Variants in R3HCC1L observed in about 807,000 individuals in gnomAD.
The protein encoded by R3HCC1L is coiled-coil domain-containing protein R3HCC1L.
R3HCC1L carries 51 observed loss-of-function variants against 59.9 expected under a neutral mutation model. The ratio of observed to expected loss-of-function variants is 0.85; its 90% confidence interval spans 0.68 to 1.07. The LOEUF is 1.07. Ranked by LOEUF, R3HCC1L falls within the 50% of genes least tolerant of loss-of-function variation. The pLI, the probability that R3HCC1L is intolerant of heterozygous loss-of-function variation, is 0.00. For synonymous variants in R3HCC1L, 322 were observed against 315.2 expected, an observed-to-expected ratio of 1.02 and a Z score of -0.23; for missense variants, 965 against 933.0, an observed-to-expected ratio of 1.03 and a Z score of -0.45.
In R3HCC1L at chr10:98,244,729, GTTTA is replaced by G. The variant is rs1857939004; in HGVS notation, c.*573_*576del. The G allele has an allele frequency of 6.5e-6, 1 of 152,734 alleles. No individual in the cohort carries two copies. Among genetic ancestry groups the G allele is most frequent in the South Asian group, 2.1e-4 (1 of 4,852 alleles). The allele number at this position is 152,734 out of a possible 1,614,324, so 9.5% of individuals were successfully genotyped here. A position where few individuals can be genotyped will look rare whatever the true frequency, so the allele number is the denominator to read the frequency against. Reference sequence around the variant, plus strand: ...GAGATGTGGGTATTTAGACTCCAAAGTTTATACTGAGCTCAGTGCCTGGGACCGC... The same window carrying G: ...GAGATGTGGGTATTTAGACTCCAAAGTACTGAGCTCAGTGCCTGGGACCGC... On this transcript the variant is annotated 3_prime_UTR_variant, in exon 10 of 10. Transcript: ENST00000298999.
chr10:98,148,509 A>T (rs1459221173), intron 1 of R3HCC1L, among the ~76,000 whole-genome samples: 1 of 152,126 alleles, frequency 6.6e-6, no homozygotes, highest in Non-Finnish European at 1.5e-5. Flanking sequence ...TCAGTGTGGT[A>T]TTAGCTGTGG....
intron 9 of R3HCC1L, among the ~76,000 whole-genome samples, chr10:98,241,943 C>A (rs777037533): frequency 3.9e-5 from 6 of 152,130 alleles, no homozygotes; most frequent in Non-Finnish European, 5.9e-5. Context: ...AAATTTACAC[C>A]TCACATTTTC....
In R3HCC1L at chr10:98,236,072, C is replaced by T. The variant is rs750066047; in HGVS notation, c.2177C>T (p.Ala726Val). Reference sequence around the variant, plus strand: ...CGTCCTGAGACTTCAGCAGCCCTAGCCAGAAGGTTAGTCATCAGTGCCCTT... The same window carrying T: ...CGTCCTGAGACTTCAGCAGCCCTAGTCAGAAGGTTAGTCATCAGTGCCCTT... ...KERPETSAAL[A>V]RRLVISALGV... Residue 726 changes from alanine to valine, a missense_variant, in exon 9 of 10, where the codon GCC (alanine) becomes GTC (valine). Transcript: ENST00000298999. 1 of 1,613,788 alleles carries T rather than the reference C, an allele frequency of 6.2e-7. No homozygotes were observed. The highest frequency in any genetic ancestry group is 2.2e-5 in the East Asian group (1 of 44,896).
intron 4 of R3HCC1L, among the ~76,000 whole-genome samples, chr10:98,207,707 TAAAG>T: frequency 6.7e-6 from 1 of 148,826 alleles, no homozygotes; most frequent in Admixed American, 6.7e-5. Flanking sequence ...ACAAAAAAAT[TAAAG>T]AAAAAAAAAA....
rs547569389 is a variant in R3HCC1L at position 98,156,599 on chromosome 10, G to C, written c.-213+452G>C. On this transcript the variant is annotated intron_variant, in intron 2 of 9. Coordinates refer to ENST00000298999, the MANE Select transcript of R3HCC1L (RefSeq NM_001351015.2). Reference sequence around the variant, plus strand: ...ATTGCTAGTTTTATATAGTGTTTTGGGGGAGTGTGGTGCTCAGGGATTAGA... The same window carrying C: ...ATTGCTAGTTTTATATAGTGTTTTGCGGGAGTGTGGTGCTCAGGGATTAGA... 2.0e-5 allele frequency among the ~76,000 whole-genome samples: 3 copies of C among 152,262 alleles called. No individual in the cohort carries two copies. The East Asian group carries it at 5.8e-4, about 29-fold the overall frequency.
chr10:98,188,080 C>T (rs756683808), intron 4 of R3HCC1L, among the ~76,000 whole-genome samples: 3 of 151,904 alleles, frequency 2.0e-5, no homozygotes, highest in Non-Finnish European at 4.4e-5. Context: ...ATACACATAC[C>T]TTTTACACAC....
chr10:98,228,701 G>A lies in R3HCC1L; in HGVS notation c.1786-2811G>A, dbSNP rs544534907. Among the ~76,000 whole-genome samples, 4 of 152,232 alleles carry A rather than the reference G, an allele frequency of 2.6e-5. No homozygotes were observed. The East Asian group carries it at 7.7e-4, about 29-fold the overall frequency. On this transcript the variant is annotated intron_variant, in intron 5 of 9. Coordinates refer to ENST00000298999, the MANE Select transcript of R3HCC1L (RefSeq NM_001351015.2). ...GGTATTGCCTAGGTTTTCTTCTAGG[G>A]TTTTTATGGTTTTAGGTCTAACATT...
intron 4 of R3HCC1L, among the ~76,000 whole-genome samples, chr10:98,198,340 C>T (rs1851673338): frequency 6.6e-6 from 1 of 152,008 alleles, no homozygotes; most frequent in Admixed American, 6.6e-5. Flanking sequence ...AAGGTACTTC[C>T]ATGCCTTTAC....
At chr10:98,216,519 C>A (rs533594664) in intron 5 of R3HCC1L, among the ~76,000 whole-genome samples, 22 of 152,222 alleles carry the variant, frequency 1.4e-4, no homozygotes, top group Middle Eastern at 3.4e-3. Context: ...TCTCAACATA[C>A]ATGTATTTGT....
Position 98,219,025 on chromosome 10 carries a change from C to T in R3HCC1L, c.1785+9126C>T, listed in dbSNP as rs564289383. On this transcript the variant is annotated intron_variant, in intron 5 of 9. Coordinates refer to ENST00000298999, the MANE Select transcript of R3HCC1L (RefSeq NM_001351015.2). ...CTTCTGGGTTCAAGCGATTCTTCTGCGCCAGCTTCCTGAGTAGCTGGGATT... is the reference window on the plus strand; with the variant it reads ...CTTCTGGGTTCAAGCGATTCTTCTGTGCCAGCTTCCTGAGTAGCTGGGATT... 2.3e-4 allele frequency among the ~76,000 whole-genome samples: 35 copies of T among 152,250 alleles called. No individual in the cohort carries two copies. The South Asian group carries it at 5.2e-3, about 23-fold the overall frequency.
At chr10:98,152,125 A>G (rs1007919894) in intron 1 of R3HCC1L, among the ~76,000 whole-genome samples, 2 of 152,118 alleles carry the variant, frequency 1.3e-5, no homozygotes, top group African/African-American at 2.4e-5. Context: ...ACTGGTTTTC[A>G]TATTTTTTTG....
At chr10:98,230,238 A>G (rs1856209478) in intron 5 of R3HCC1L, among the ~76,000 whole-genome samples, 1 of 152,094 alleles carries the variant, frequency 6.6e-6, no homozygotes, top group African/African-American at 2.4e-5. Context: ...GTAAGCTATT[A>G]ATTATTGCCT....
rs779147603 is a variant in R3HCC1L, at chr10:98,236,105, G to T, written c.2210G>T (p.Arg737Leu). 2 of 1,613,936 alleles carry T rather than the reference G, an allele frequency of 1.2e-6. No individual in the cohort carries two copies. The highest frequency in any genetic ancestry group is 1.7e-6 in the Non-Finnish European group (2 of 1,179,912). Residue 737 changes from arginine to leucine, a missense_variant, in exon 9 of 10, where the codon CGA becomes CTA. Coordinates refer to ENST00000298999, the MANE Select transcript of R3HCC1L (RefSeq NM_001351015.2). ...TTAGTCATCAGTGCCCTTGGGGTTC[G>T]AAGTAAGCAGAGCAAAACCGAACGA... ...RRLVISALGV[R>L]SKQSKTEREA...
intron 4 of R3HCC1L, among the ~76,000 whole-genome samples, chr10:98,168,249 T>C (rs574628026): frequency 6.6e-6 from 1 of 152,330 alleles, no homozygotes; most frequent in African/African-American, 2.4e-5. Context: ...AAAGCTTTTA[T>C]CTGACTGCCT....
At chr10:98,237,814 G>A (rs1857125887) in intron 9 of R3HCC1L, among the ~76,000 whole-genome samples, 1 of 152,034 alleles carries the variant, frequency 6.6e-6, no homozygotes, top group African/African-American at 2.4e-5. Context: ...TTCTGTGTTG[G>A]GCAGATACTT....
At chr10:98,136,980 G>A (rs928051959) in intron 1 of R3HCC1L, among the ~76,000 whole-genome samples, 9 of 152,188 alleles carry the variant, frequency 5.9e-5, no homozygotes, top group Non-Finnish European at 1.0e-4. Flanking sequence ...GGAGGCCGAC[G>A]TGGGCAGATC....
intron 2 of R3HCC1L, among the ~76,000 whole-genome samples, chr10:98,156,361 A>G (rs1001174706): frequency 9.2e-5 from 14 of 152,122 alleles, no homozygotes; most frequent in East Asian, 5.8e-4. Flanking sequence ...CATAGCTTCA[A>G]TCTGGATTGG....
At position 98,223,558 on chromosome 10, in the gene R3HCC1L, A is replaced by G. The variant is rs570388804; in HGVS notation, c.1786-7954A>G. ...AATACTTTTTCCTATAGATATATCT[A>G]TTCTTTTGGTTGGGTCAGGCACTTT... is the stretch of plus-strand genomic sequence containing the variant. On this transcript the variant is annotated intron_variant, in intron 5 of 9. Transcript: ENST00000298999. Among the ~76,000 whole-genome samples, 11 of 151,620 alleles carry G rather than the reference A, an allele frequency of 7.3e-5. No individual in the cohort carries two copies. The South Asian group carries it at 1.7e-3, about 23-fold the overall frequency.
intron 9 of R3HCC1L, among the ~76,000 whole-genome samples, chr10:98,237,494 C>T (rs1374565364): frequency 6.6e-6 from 1 of 152,060 alleles, no homozygotes; most frequent in African/African-American, 2.4e-5. Flanking sequence ...TTGAGTATTC[C>T]CTTTTCTTTC....
Sources: gnomAD v4.1 joint callset for allele counts (sites outside exome capture counted in the v4.1 genomes callset) on GRCh38, gnomAD v4.1.1 for gene constraint, MANE v1.5 for transcripts, NCBI Gene and HGNC (gene_info 2026-07-23, HGNC 2026-07-21) for gene names.